Variants in SULF2 observed in about 807,000 individuals in gnomAD.
The protein encoded by SULF2 is sulfatase 2, also known as extracellular sulfatase Sulf-2.
A neutral mutation model predicts 107.7 loss-of-function variants in SULF2; 52 were observed. The observed-to-expected ratio is 0.48, with a 90% CI of 0.39 to 0.61. The LOEUF is 0.61. Ranked by LOEUF, SULF2 falls within the 20% of genes least tolerant of loss-of-function variation. The pLI, the probability that SULF2 is intolerant of heterozygous loss-of-function variation, is 0.00. For missense variants in SULF2, 993 were observed against 1,177.3 expected (o/e 0.84, Z 2.29); for synonymous variants, 460 against 464.3 (o/e 0.99, Z 0.12).
chr20:47,746,841 G>C (rs538185753), intron 2 of SULF2, among the ~76,000 whole-genome samples: 5 of 151,768 alleles, frequency 3.3e-5, no homozygotes, highest in South Asian at 2.1e-4. Flanking sequence ...GTTGTGGGGT[G>C]GGGGGAGAGG....
intron 10 of SULF2, among the ~76,000 whole-genome samples, chr20:47,675,513 G>A (rs1259610685): frequency 6.6e-6 from 1 of 152,212 alleles, no homozygotes; most frequent in Admixed American, 6.5e-5. Flanking sequence ...TACTAATTCT[G>A]TGTGCAGTGT....
intron 4 of SULF2, among the ~76,000 whole-genome samples, chr20:47,701,824 C>T (rs1039067224): frequency 2.0e-5 from 3 of 152,150 alleles, no homozygotes; most frequent in Admixed American, 2.0e-4. Context: ...TCATCGTTAT[C>T]CTCGCGGGAG....
At chr20:47,684,624 C>A in intron 5 of SULF2, 43 bp from the exon 6 acceptor site, 1 of 1,594,032 alleles carries the variant, frequency 6.3e-7, no homozygotes, top group African/African-American at 1.3e-5. Flanking sequence ...CCAGGGACAG[C>A]CTGGACCCTG....
At chr20:47,776,846 AC>A (rs2090734729) in intron 1 of SULF2, among the ~76,000 whole-genome samples, 1 of 152,158 alleles carries the variant, frequency 6.6e-6, no homozygotes, top group Non-Finnish European at 1.5e-5. Context: ...CCTCCCAGCC[AC>A]CTGCTTAGCT....
At chr20:47,676,959 G>T in intron 9 of SULF2, 119 bp downstream of exon 9, 1 of 1,127,698 alleles carries the variant, frequency 8.9e-7, no homozygotes, top group Non-Finnish European at 1.3e-6. Flanking sequence ...AGGGGCCTTT[G>T]GACCAACTTC....
intron 2 of SULF2, among the ~76,000 whole-genome samples, chr20:47,741,750 C>T (rs2089888025): frequency 3.3e-5 from 5 of 152,294 alleles, no homozygotes; most frequent in Admixed American, 6.5e-5. Flanking sequence ...TCTCGGTCTC[C>T]AGACCCTGCA....
At chr20:47,711,300 C>T (rs1449457576) in intron 3 of SULF2, among the ~76,000 whole-genome samples, 1 of 152,242 alleles carries the variant, frequency 6.6e-6, no homozygotes, top group East Asian at 1.9e-4. Context: ...AATCCTGGAT[C>T]TGCCACCTCC....
chr20:47,781,910 G>A lies in SULF2; in HGVS notation c.-101+3433C>T, dbSNP rs889975808. The stretch of plus-strand genomic sequence containing the variant: ...TCAGCCTCATGGAAGGCAGAGGAGC[G>A]GTGGATAGGAATGGATTCTCATTAC... On this transcript the variant is annotated intron_variant, in intron 1 of 20. Coordinates refer to ENST00000688720, the MANE Select transcript of SULF2 (RefSeq NM_001387048.1). Among the ~76,000 whole-genome samples the A allele has an allele frequency of 3.9e-5, 6 of 152,124 alleles. 1 individual carries two copies. Among genetic ancestry groups the A allele is most frequent in the South Asian group, 4.1e-4 (2 of 4,826 alleles).
chr20:47,669,699 G>GCC (rs1224945901), intron 11 of SULF2, among the ~76,000 whole-genome samples: 1 of 152,112 alleles, frequency 6.6e-6, no homozygotes, highest in Non-Finnish European at 1.5e-5. Context: ...GATCACCCCT[G>GCC]CCCTGCTCAC....
chr20:47,700,330 T>A (rs2088519717), intron 4 of SULF2, among the ~76,000 whole-genome samples: 1 of 152,216 alleles, frequency 6.6e-6, no homozygotes. Context: ...AACGGCAGAC[T>A]TCTGCAGTGG....
intron 1 of SULF2, among the ~76,000 whole-genome samples, chr20:47,758,933 C>T (rs566208140): frequency 6.6e-6 from 1 of 152,278 alleles, no homozygotes; most frequent in South Asian, 2.1e-4. Flanking sequence ...AGCAAGGTCT[C>T]CGGGTTCAGC....
At chr20:47,780,575 A>G (rs893665037) in intron 1 of SULF2, among the ~76,000 whole-genome samples, 4 of 151,678 alleles carry the variant, frequency 2.6e-5, no homozygotes, top group African/African-American at 9.7e-5. Flanking sequence ...TTTTTTTGAG[A>G]CTGAGTCTCA....
intron 11 of SULF2, among the ~76,000 whole-genome samples, chr20:47,669,569 A>G (rs1002938305): frequency 6.6e-6 from 1 of 152,180 alleles, no homozygotes; most frequent in Non-Finnish European, 1.5e-5. Context: ...CTGCTCAGAA[A>G]AGAGGGACAG....
intron 3 of SULF2, among the ~76,000 whole-genome samples, chr20:47,718,731 T>A (rs2089199811): frequency 6.6e-6 from 1 of 152,150 alleles, no homozygotes; most frequent in African/African-American, 2.4e-5. Flanking sequence ...GAGGACAGAT[T>A]TGCCCTTATT....
At chr20:47,722,631 T>C (rs991072875) in intron 3 of SULF2, among the ~76,000 whole-genome samples, 6 of 151,980 alleles carry the variant, frequency 3.9e-5, no homozygotes, top group Admixed American at 3.9e-4. Flanking sequence ...AAACAAAACA[T>C]GTAAAAAACA....
At chr20:47,758,844 T>G (rs1467345185) in intron 1 of SULF2, among the ~76,000 whole-genome samples, 1 of 152,196 alleles carries the variant, frequency 6.6e-6, no homozygotes, top group East Asian at 1.9e-4. Flanking sequence ...TGTGTTGCTG[T>G]GACCTTGAAA....
At chr20:47,714,725 T>TGCTCCGTGACTGCATCTGCCCC in intron 3 of SULF2, among the ~76,000 whole-genome samples, 1 of 152,318 alleles carries the variant, frequency 6.6e-6, no homozygotes, top group Admixed American at 6.5e-5. Context: ...TCTCCTGTCC[T>TGCTCCGTGACTGCATCTGCCCC]GCTCCGTGAC....
intron 4 of SULF2, among the ~76,000 whole-genome samples, chr20:47,697,115 C>G (rs2088405795): frequency 6.6e-6 from 1 of 152,198 alleles, no homozygotes; most frequent in South Asian, 2.1e-4. Context: ...CCCAGGCCCA[C>G]TTTTGCCAGC....
Position 47,720,548 on chromosome 20 carries a change from C to CTTTTTTTT in SULF2, c.415+16147_415+16154dup, listed in dbSNP as rs11303096. 1.8e-4 allele frequency among the ~76,000 whole-genome samples: 26 copies of CTTTTTTTT among 143,360 alleles called. No individual in the cohort carries two copies. In the Admixed American group the frequency reaches 1.8e-3, roughly 10 times the overall value. 94.0% of individuals were successfully genotyped at this position (143,360 alleles called of 152,430 possible). On this transcript the variant is annotated intron_variant, in intron 3 of 20. Transcript: ENST00000688720. Reference sequence around the variant, plus strand: ...GCTGGGATTACAGGCCTATCATAATCTTTTTTTTTTTTTTTTTAAAGAGAA... The same window carrying CTTTTTTTT: ...GCTGGGATTACAGGCCTATCATAATCTTTTTTTTTTTTTTTTTTTTTTTTTAAAGAGAA...
Sources: allele counts gnomAD v4.1 joint callset (sites outside exome capture counted in the v4.1 genomes callset), GRCh38; gene constraint gnomAD v4.1.1; transcripts MANE v1.5; gene names NCBI Gene and HGNC (gene_info 2026-07-23, HGNC 2026-07-21).